ATF1: variants seen among roughly 807,000 people sequenced by gnomAD.
The protein encoded by ATF1 is activating transcription factor 1.
In ATF1, 16 loss-of-function variants were observed where a neutral mutation model predicts 34.7. The ratio of observed to expected loss-of-function variants is 0.46; its 90% CI spans 0.31 to 0.70. ATF1 has a LOEUF of 0.70. Among genes scored for constraint, ATF1 ranks in the 30% least tolerant of loss-of-function variants. ATF1 has a pLI of 0.05. For synonymous variants in ATF1, 105 were observed against 113.1 expected (o/e 0.93, Z 0.46); for missense variants, 255 against 321.6 (o/e 0.79, Z 1.58).
intron 3 of ATF1, among the ~76,000 whole-genome samples, chr12:50,808,345 T>A (rs1401623961): frequency 6.6e-6 from 1 of 152,112 alleles, no homozygotes; most frequent in Non-Finnish European, 1.5e-5. Context: ...TTGTTTCTTT[T>A]GAGATGGAAT....
intron 1 of ATF1, among the ~76,000 whole-genome samples, chr12:50,766,660 C>T (rs1343975088): frequency 6.9e-6 from 1 of 144,940 alleles, no homozygotes; most frequent in Non-Finnish European, 1.5e-5. Context: ...TCCCCCCTCC[C>T]CCCATAAAAG....
intron 1 of ATF1, among the ~76,000 whole-genome samples, chr12:50,776,214 A>G (rs1940918231): frequency 6.6e-6 from 1 of 151,318 alleles, no homozygotes; most frequent in African/African-American, 2.4e-5. Flanking sequence ...CAGGAGGCTG[A>G]GGCAGGAGGG....
intron 3 of ATF1, among the ~76,000 whole-genome samples, chr12:50,803,635 A>G (rs1389972610): frequency 6.6e-6 from 1 of 152,192 alleles, no homozygotes; most frequent in Non-Finnish European, 1.5e-5. Flanking sequence ...TTATATGAAA[A>G]CTTGTTCATG....
At chr12:50,807,269 A>T (rs1200766672) in intron 3 of ATF1, among the ~76,000 whole-genome samples, 1 of 151,882 alleles carries the variant, frequency 6.6e-6, no homozygotes, top group African/African-American at 2.4e-5. Flanking sequence ...GCCAGGTATG[A>T]TGGCGTGTAC....
intron 1 of ATF1, among the ~76,000 whole-genome samples, chr12:50,773,712 T>G (rs1192385775): frequency 6.6e-6 from 1 of 151,530 alleles, no homozygotes; most frequent in African/African-American, 2.4e-5. Flanking sequence ...GCCTCAGCCT[T>G]CCAAGTAGCT....
intron 1 of ATF1, among the ~76,000 whole-genome samples, chr12:50,767,636 G>T (rs1940671818): frequency 6.6e-6 from 1 of 152,190 alleles, no homozygotes; most frequent in Non-Finnish European, 1.5e-5. Context: ...ACTGGATGAA[G>T]TCTCCACCTT....
intron 1 of ATF1, among the ~76,000 whole-genome samples, chr12:50,766,010 C>G (rs1395634434): frequency 6.6e-6 from 1 of 152,146 alleles, no homozygotes; most frequent in African/African-American, 2.4e-5. Flanking sequence ...GCACTGTGGA[C>G]TTGCCCTGAA....
intron 4 of ATF1, among the ~76,000 whole-genome samples, chr12:50,811,663 G>A (rs183317684): frequency 8.6e-5 from 13 of 151,386 alleles, no homozygotes; most frequent in African/African-American, 2.9e-4. Flanking sequence ...GGGCATCATG[G>A]CATGTGACTA....
chr12:50,782,753 G>T lies in ATF1; in HGVS notation c.93+2515G>T, dbSNP rs181636837. Among the ~76,000 whole-genome samples, 229 of 146,136 alleles carry T rather than the reference G, an allele frequency of 1.6e-3. 1 individual carries two copies. The highest frequency in any genetic ancestry group is 5.6e-3 in the African/African-American group (220 of 39,448). ...CGCCCAGACTGGAGTGCAGTGGTGC[G>T]ATCTTGGCTCACTGCAACCTCTGCC... On this transcript the variant is annotated intron_variant, in intron 2 of 6. Coordinates refer to ENST00000262053, the MANE Select transcript of ATF1 (RefSeq NM_005171.5).
At chr12:50,778,676 C>T (rs889169818) in intron 1 of ATF1, among the ~76,000 whole-genome samples, 5 of 152,114 alleles carry the variant, frequency 3.3e-5, no homozygotes, top group African/African-American at 1.2e-4. Context: ...CAACCTCCAC[C>T]TCCCGGGTTC....
chr12:50,765,374 C>T (rs1156468744), intron 1 of ATF1, among the ~76,000 whole-genome samples: 2 of 152,162 alleles, frequency 1.3e-5, no homozygotes, highest in Non-Finnish European at 2.9e-5. Context: ...AATGTATTAG[C>T]TCTTTAATAC....
intron 2 of ATF1, among the ~76,000 whole-genome samples, chr12:50,791,560 A>AG (rs973385634): frequency 2.0e-5 from 3 of 152,178 alleles, no homozygotes; most frequent in African/African-American, 7.2e-5. Flanking sequence ...CTCAAAAAAA[A>AG]AAAAAGAAAA....
intron 2 of ATF1, among the ~76,000 whole-genome samples, chr12:50,783,139 ACTG>A (rs1318792267): frequency 2.6e-5 from 4 of 152,210 alleles, no homozygotes; most frequent in South Asian, 2.1e-4. Context: ...TTTGAAATGA[ACTG>A]CTAATTTTTT....
At chr12:50,767,348 A>C (rs545977636) in intron 1 of ATF1, among the ~76,000 whole-genome samples, 147 of 152,104 alleles carry the variant, frequency 9.7e-4, no homozygotes, top group Admixed American at 1.7e-3. Flanking sequence ...GTGAAACCCT[A>C]TCTCTACTAA....
At chr12:50,803,696 A>G (rs1209094500) in intron 3 of ATF1, among the ~76,000 whole-genome samples, 1 of 152,220 alleles carries the variant, frequency 6.6e-6, no homozygotes, top group Non-Finnish European at 1.5e-5. Flanking sequence ...AAACAACCCA[A>G]ATGTCCATTA....
At chr12:50,778,671 T>C (rs1050393755) in intron 1 of ATF1, among the ~76,000 whole-genome samples, 1 of 151,696 alleles carries the variant, frequency 6.6e-6, no homozygotes, top group African/African-American at 2.4e-5. Context: ...CACTGCAACC[T>C]CCACCTCCCG....
intron 2 of ATF1, among the ~76,000 whole-genome samples, chr12:50,782,648 A>G (rs1941094056): frequency 1.4e-5 from 2 of 146,276 alleles, no homozygotes; most frequent in South Asian, 2.2e-4. Context: ...TCAGCATCCC[A>G]AAGTGCTGGG....
At chr12:50,780,663 A>AAC (rs900466014) in intron 2 of ATF1, among the ~76,000 whole-genome samples, 14 of 151,666 alleles carry the variant, frequency 9.2e-5, no homozygotes, top group Non-Finnish European at 1.5e-4. Flanking sequence ...AAAAAAAAAA[A>AAC]AAAACAAAAC....
At chr12:50,783,967 C>G (rs1405332253) in intron 2 of ATF1, among the ~76,000 whole-genome samples, 1 of 151,632 alleles carries the variant, frequency 6.6e-6, no homozygotes, top group Admixed American at 6.6e-5. Context: ...TTGACACCAG[C>G]CTGGGCAACA....
Sources: allele counts gnomAD v4.1 joint callset (sites outside exome capture counted in the v4.1 genomes callset), GRCh38; gene constraint gnomAD v4.1.1; transcripts MANE v1.5; gene names NCBI Gene and HGNC (gene_info 2026-07-23, HGNC 2026-07-21).